Variants in TNNI3K observed in about 807,000 individuals in gnomAD.
TNNI3K encodes the protein TNNI3 interacting kinase, also known as serine/threonine-protein kinase TNNI3K.
A neutral mutation model predicts 114.5 loss-of-function variants in TNNI3K; 140 were observed. The ratio of observed to expected loss-of-function variants is 1.22; its 90% CI spans 1.07 to 1.41. The LOEUF is 1.41. Ranked by LOEUF, TNNI3K falls within the 40% of genes most tolerant of loss-of-function variation. The probability of loss-of-function intolerance (pLI) is 0.00; values close to 1 mark genes in which losing one functional copy is unlikely to be tolerated. For synonymous variants in TNNI3K, 347 were observed against 347.5 expected (o/e 1.00, Z 0.02); for missense variants, 1,125 against 1,007.6 (o/e 1.12, Z -1.58).
chr1:74,367,442 G>T, intron 12 of TNNI3K, 100 bp downstream of exon 12: 1 of 1,298,546 alleles, frequency 7.7e-7, no homozygotes, highest in Admixed American at 1.9e-5. Context: ...GGTTAGGGAG[G>T]AGGGCATAGC....
At chr1:74,430,100 G>A (rs1665821700) in intron 17 of TNNI3K, among the ~76,000 whole-genome samples, 1 of 152,068 alleles carries the variant, frequency 6.6e-6, no homozygotes, top group East Asian at 1.9e-4. Flanking sequence ...TGGAGTGAAA[G>A]TAGCAAGTCA....
chr1:74,540,370 C>T, intron 24 of TNNI3K, 57 bp downstream of exon 24: 3 of 1,530,534 alleles, frequency 2.0e-6, no homozygotes, highest in African/African-American at 1.4e-5. Context: ...AAGGTGATGT[C>T]TATTTGACAA....
chr1:74,537,729 AT>A (rs913769810), intron 23 of TNNI3K, among the ~76,000 whole-genome samples: 5 of 152,156 alleles, frequency 3.3e-5, no homozygotes, highest in Non-Finnish European at 4.4e-5. Flanking sequence ...CCTAAGGCAG[AT>A]TCTGATGGGT....
chr1:74,350,808 T>C (rs1183798611), intron 9 of TNNI3K, among the ~76,000 whole-genome samples: 5 of 152,162 alleles, frequency 3.3e-5, no homozygotes, highest in Non-Finnish European at 5.9e-5. Context: ...TTTTTGTTTT[T>C]CATTTGCTTG....
At chr1:74,342,322 T>C (rs1660786413) in intron 7 of TNNI3K, among the ~76,000 whole-genome samples, 1 of 152,154 alleles carries the variant, frequency 6.6e-6, no homozygotes, top group African/African-American at 2.4e-5. Flanking sequence ...CCCTTCATGA[T>C]ACCATGCTTT....
intron 20 of TNNI3K, among the ~76,000 whole-genome samples, chr1:74,442,190 T>G (rs2100675038): frequency 1.3e-5 from 2 of 152,158 alleles, no homozygotes; most frequent in South Asian, 4.1e-4. Flanking sequence ...TTAATACAGA[T>G]GTCCAATTCT....
chr1:74,480,257 G>C (rs898518726), intron 21 of TNNI3K: 1 of 717,416 alleles, frequency 1.4e-6, no homozygotes, highest in African/African-American at 1.7e-5. Context: ...ATCACAGTTG[G>C]TCTCAGACAG....
intron 11 of TNNI3K, among the ~76,000 whole-genome samples, chr1:74,356,302 A>G (rs531640862): frequency 3.9e-5 from 6 of 152,274 alleles, no homozygotes; most frequent in South Asian, 2.1e-4. Context: ...ATAATTTTCA[A>G]TTTGGGGCTA....
At chr1:74,372,023 C>G (rs1557527545) in intron 17 of TNNI3K, 2 of 149,840 alleles carry the variant, frequency 1.3e-5, no homozygotes, top group Admixed American at 6.7e-5. Flanking sequence ...GGATCATTAC[C>G]CATGAGCATG....
At chr1:74,540,199 C>T in intron 23 of TNNI3K, 35 bp from the exon 24 acceptor site, 1 of 1,604,042 alleles carries the variant, frequency 6.2e-7, no homozygotes, top group African/African-American at 1.3e-5. Flanking sequence ...TATCAGATCA[C>T]CATACTGTGA....
intron 22 of TNNI3K, among the ~76,000 whole-genome samples, chr1:74,489,590 A>G (rs1668945791): frequency 6.6e-6 from 1 of 152,244 alleles, no homozygotes; most frequent in Admixed American, 6.5e-5. Context: ...AATTCTTCAT[A>G]CAGAGATTTG....
chr1:74,263,474 G>C (rs985502626), intron 4 of TNNI3K, among the ~76,000 whole-genome samples: 1 of 152,006 alleles, frequency 6.6e-6, no homozygotes, highest in Non-Finnish European at 1.5e-5. Context: ...TGAAGTTATA[G>C]TTCTCTGGTA....
At position 74,518,693 on chromosome 1, in the gene TNNI3K, C is replaced by T. The variant is rs1456494044; in HGVS notation, c.2352-21541C>T. On this transcript the variant is annotated intron_variant, in intron 23 of 24. Coordinates refer to ENST00000326637, the MANE Select transcript of TNNI3K (RefSeq NM_015978.3). ...TTCAAAACAATATCTGTTTTTTAAG[C>T]TCAAAATTATTATATTAGTGTTTTG... is the stretch of plus-strand genomic sequence containing the variant. Among the ~76,000 whole-genome samples, 42 of 152,134 alleles carry T rather than the reference C, an allele frequency of 2.8e-4. 1 individual carries two copies. In the South Asian group the frequency reaches 4.8e-3, roughly 17 times the overall value.
At chr1:74,249,434 A>G in intron 2 of TNNI3K, 25 bp from the exon 3 acceptor site, 3 of 1,592,076 alleles carry the variant, frequency 1.9e-6, no homozygotes, top group Admixed American at 3.5e-5. Flanking sequence ...GAATTTTGTG[A>G]TCATCTGTAA....
intron 5 of TNNI3K, among the ~76,000 whole-genome samples, chr1:74,327,667 T>TAA (rs1659985423): frequency 6.8e-6 from 1 of 146,378 alleles, no homozygotes; most frequent in East Asian, 2.0e-4. Flanking sequence ...GTACTATTAT[T>TAA]ATTAAATATA....
chr1:74,488,091 G>A (rs1293508953), intron 21 of TNNI3K, among the ~76,000 whole-genome samples: 1 of 152,198 alleles, frequency 6.6e-6, no homozygotes, highest in Non-Finnish European at 1.5e-5. Flanking sequence ...AGTACAAAGA[G>A]TAGTGTTAGA....
intron 11 of TNNI3K, among the ~76,000 whole-genome samples, chr1:74,356,827 T>TGCTGTATTTGTC (rs1553136031): frequency 6.6e-6 from 1 of 152,224 alleles, no homozygotes; most frequent in Non-Finnish European, 1.5e-5. Flanking sequence ...CTTCAACATA[T>TGCTGTATTTGTC]GCTGTATTTG....
chr1:74,454,331 C>G (rs747223242), intron 20 of TNNI3K, among the ~76,000 whole-genome samples: 1 of 152,010 alleles, frequency 6.6e-6, no homozygotes, highest in Non-Finnish European at 1.5e-5. Flanking sequence ...TCTAACTGTA[C>G]TTTTGTATCT....
chr1:74,408,207 C>T (rs1459812236), intron 17 of TNNI3K, among the ~76,000 whole-genome samples: 1 of 152,136 alleles, frequency 6.6e-6, no homozygotes, highest in East Asian at 1.9e-4. Flanking sequence ...ATGGGTAGGA[C>T]ATTGAATGCC....
Sources: gnomAD v4.1 joint callset for allele counts (sites outside exome capture counted in the v4.1 genomes callset) on GRCh38, gnomAD v4.1.1 for gene constraint, MANE v1.5 for transcripts, NCBI Gene and HGNC (gene_info 2026-07-23, HGNC 2026-07-21) for gene names.